Variants in PCCA observed in about 807,000 individuals in gnomAD.
PCCA encodes propionyl-CoA carboxylase alpha chain, mitochondrial.
Under a neutral mutation model 101.3 loss-of-function variants are expected in PCCA, and 74 were observed. That is an observed-to-expected ratio of 0.73 (90% CI 0.61 to 0.89). The LOEUF (loss-of-function observed/expected upper bound fraction) is 0.89, where lower values mean the gene tolerates loss of function less well. Ranked by LOEUF, PCCA falls within the 40% of genes least tolerant of loss-of-function variation. The pLI, the probability that PCCA is intolerant of heterozygous loss-of-function variation, is 0.00. For missense variants in PCCA, 891 were observed against 907.0 expected (o/e 0.98, Z 0.23); for synonymous variants, 294 against 313.6 (o/e 0.94, Z 0.66).
chr13:100,104,789 C>T (rs1289040435), intron 2 of PCCA, among the ~76,000 whole-genome samples: 6 of 152,044 alleles, frequency 3.9e-5, no homozygotes, highest in Non-Finnish European at 7.4e-5. Flanking sequence ...CTGCAACCTC[C>T]ACCTCCCAGG....
intron 6 of PCCA, among the ~76,000 whole-genome samples, chr13:100,193,840 G>A (rs2057906673): frequency 6.6e-6 from 1 of 152,266 alleles, no homozygotes; most frequent in African/African-American, 2.4e-5. Context: ...AGCACTTTGG[G>A]AGGCCAAGGC....
intron 2 of PCCA, 47 bp downstream of exon 2, chr13:100,103,007 G>A (rs767244116): frequency 7.8e-7 from 1 of 1,277,898 alleles, no homozygotes; most frequent in Admixed American, 1.7e-5. Context: ...AACTTATCAT[G>A]GTTTTACTTT....
At chr13:100,253,854 A>AT (rs71114677) in intron 8 of PCCA, among the ~76,000 whole-genome samples, 1,698 of 138,366 alleles carry the variant, frequency 0.012, 32 homozygotes, top group African/African-American at 0.042. Context: ...CTAGAGCCTG[A>AT]TTTTTTTTTT....
At chr13:100,097,821 G>C (rs1172901941) in intron 1 of PCCA, among the ~76,000 whole-genome samples, 1 of 152,158 alleles carries the variant, frequency 6.6e-6, no homozygotes, top group African/African-American at 2.4e-5. Flanking sequence ...AGACCAGCCT[G>C]GGGAAAATAG....
chr13:100,157,416 G>T (rs1487079465), intron 6 of PCCA, 76 bp downstream of exon 6: 21 of 945,164 alleles, frequency 2.2e-5, no homozygotes, highest in Non-Finnish European at 3.3e-5. Context: ...TGTAAATGTG[G>T]GTAGTGATGG....
intron 19 of PCCA, among the ~76,000 whole-genome samples, chr13:100,377,306 A>C (rs745371650): frequency 1.3e-5 from 2 of 152,070 alleles, no homozygotes; most frequent in Non-Finnish European, 2.9e-5. Flanking sequence ...TTTTTGACTT[A>C]AAGCTGTTTT....
chr13:100,356,720 C>T (rs1483874413), intron 18 of PCCA, among the ~76,000 whole-genome samples: 1 of 152,050 alleles, frequency 6.6e-6, no homozygotes, highest in Non-Finnish European at 1.5e-5. Context: ...CTGGTATATA[C>T]CCAAGGGAAA....
chr13:100,360,247 G>A (rs981918405), intron 18 of PCCA, among the ~76,000 whole-genome samples: 2 of 151,636 alleles, frequency 1.3e-5, no homozygotes, highest in African/African-American at 2.4e-5. Flanking sequence ...GGAAAGACCT[G>A]CCCCCATATT....
chr13:100,187,519 G>A (rs1471163228), intron 6 of PCCA, among the ~76,000 whole-genome samples: 1 of 152,054 alleles, frequency 6.6e-6, no homozygotes, highest in East Asian at 1.9e-4. Context: ...TTATAATAGA[G>A]AATTATATTA....
intron 6 of PCCA, among the ~76,000 whole-genome samples, chr13:100,201,500 A>G (rs1356802259): frequency 2.0e-5 from 3 of 152,118 alleles, no homozygotes; most frequent in Admixed American, 6.6e-5. Flanking sequence ...ATTTAAAAAA[A>G]TTTTTGCCTA....
intron 7 of PCCA, among the ~76,000 whole-genome samples, chr13:100,235,229 T>A (rs563481293): frequency 3.3e-5 from 5 of 151,808 alleles, no homozygotes; most frequent in Non-Finnish European, 7.4e-5. Context: ...TTAAAGTTTT[T>A]TTTTAATTTA....
At chr13:100,401,874 A>AT (rs888132448) in intron 19 of PCCA, among the ~76,000 whole-genome samples, 68 of 150,690 alleles carry the variant, frequency 4.5e-4, no homozygotes, top group African/African-American at 1.2e-3. Flanking sequence ...TGAATAGATA[A>AT]TTTTTTTTTT....
chr13:100,293,514 C>T (rs1461034135), intron 12 of PCCA, among the ~76,000 whole-genome samples: 1 of 152,020 alleles, frequency 6.6e-6, no homozygotes, highest in Non-Finnish European at 1.5e-5. Flanking sequence ...CTAGACCTGC[C>T]AGATGAAAAT....
intron 21 of PCCA, among the ~76,000 whole-genome samples, chr13:100,481,943 A>G (rs1196340676): frequency 6.6e-6 from 1 of 152,246 alleles, no homozygotes; most frequent in Non-Finnish European, 1.5e-5. Context: ...ACAACGTACC[A>G]TCAATTCAAA....
intron 6 of PCCA, among the ~76,000 whole-genome samples, chr13:100,179,543 T>A (rs186473715): frequency 1.3e-5 from 2 of 152,354 alleles, no homozygotes; most frequent in African/African-American, 2.4e-5. Flanking sequence ...CTTGACTTGC[T>A]ACCTATAGTC....
chr13:100,151,090 A>G (rs1160016881), intron 4 of PCCA: 1 of 1,500,900 alleles, frequency 6.7e-7, no homozygotes. Flanking sequence ...ACTCGTATGC[A>G]CCCATCTTGG....
rs929876838 is a variant in PCCA, at chr13:100,367,602, A to T, written c.1644-870A>T. ...TAAATTCGTTTTTTAAATTTCGTGA[A>T]TTTTTAGTAATAACATTATAAAATA... On this transcript the variant is annotated intron_variant, in intron 18 of 23. Transcript: ENST00000376285. 2.0e-5 allele frequency among the ~76,000 whole-genome samples: 3 copies of T among 148,268 alleles called. No individual in the cohort carries two copies. The South Asian group carries it at 6.6e-4, about 32-fold the overall frequency.
At chr13:100,419,112 A>G (rs2078575300) in intron 19 of PCCA, among the ~76,000 whole-genome samples, 1 of 152,074 alleles carries the variant, frequency 6.6e-6, no homozygotes, top group Admixed American at 6.6e-5. Flanking sequence ...TCTTTGCTCA[A>G]GATCACCTCC....
At chr13:100,275,061 G>A (rs2063549856) in intron 12 of PCCA, among the ~76,000 whole-genome samples, 1 of 150,270 alleles carries the variant, frequency 6.7e-6, no homozygotes, top group Non-Finnish European at 1.5e-5. Context: ...GGGGGTGGGG[G>A]GGGAGGGGGT....
Sources: gnomAD v4.1 joint callset for allele counts (sites outside exome capture counted in the v4.1 genomes callset) on GRCh38, gnomAD v4.1.1 for gene constraint, MANE v1.5 for transcripts, NCBI Gene and HGNC (gene_info 2026-07-23, HGNC 2026-07-21) for gene names.